CAMTA1: variants seen among roughly 807,000 people sequenced by gnomAD.
CAMTA1 encodes calmodulin-binding transcription activator 1.
A neutral mutation model predicts 170.9 loss-of-function variants in CAMTA1; 27 were observed. The observed-to-expected ratio is 0.16, with a 90% CI of 0.12 to 0.22. CAMTA1 has a LOEUF of 0.22. CAMTA1 is among the 10% of genes least tolerant of loss of function. The probability of loss-of-function intolerance (pLI) is 1.00; values close to 1 mark genes in which losing one functional copy is unlikely to be tolerated. For synonymous variants in CAMTA1, 833 were observed against 891.5 expected, an observed-to-expected ratio of 0.93 and a Z score of 1.17; for missense variants, 1,619 against 2,217.2, an observed-to-expected ratio of 0.73 and a Z score of 5.42.
chr1:7,563,079 C>T (rs1465718023), intron 6 of CAMTA1, among the ~76,000 whole-genome samples: 1 of 152,206 alleles, frequency 6.6e-6, no homozygotes, highest in African/African-American at 2.4e-5. Flanking sequence ...TGGACGCCCA[C>T]CAGCCCCTCC....
Position 7,455,820 on chromosome 1 carries a change from C to T in CAMTA1, c.439-12010C>T, listed in dbSNP as rs896334037. On this transcript the variant is annotated intron_variant, in intron 5 of 22. Transcript: ENST00000303635. This position sits in a 1 kb window ranked among gnomAD's most constrained non-coding sequence, Gnocchi z 5.0. ...TCTGGGCAGCACTTGGCCCTCCGTG[C>T]CGTCCAGAATGGCCTCGGGGAGTGG... is the stretch of plus-strand genomic sequence containing the variant. Among the ~76,000 whole-genome samples the T allele has an allele frequency of 1.1e-4, 17 of 152,236 alleles. No homozygotes were observed. Among genetic ancestry groups the T allele is most frequent in the Admixed American group, 2.6e-4 (4 of 15,292 alleles).
chr1:7,756,926 A>G (rs985918083), intron 22 of CAMTA1, among the ~76,000 whole-genome samples: 1 of 152,236 alleles, frequency 6.6e-6, no homozygotes, highest in Admixed American at 6.5e-5. Flanking sequence ...ATGAATTTAG[A>G]TTAATTTGAC....
rs147918324 is a variant in CAMTA1 at position 6,910,160 on chromosome 1, C to T, written c.234+84950C>T. 3.4e-3 allele frequency among the ~76,000 whole-genome samples: 515 copies of T among 152,350 alleles called. 4 individuals are homozygous for T. The highest frequency in any genetic ancestry group is 0.011 in the African/African-American group (451 of 41,578). On this transcript the variant is annotated intron_variant, in intron 3 of 22. Transcript: ENST00000303635. The stretch of plus-strand genomic sequence containing the variant: ...AGTTGACATGCTAAGGCACTAGTAC[C>T]CGTTATAGGGCCCAGGTGGCTGCCC...
intron 5 of CAMTA1, among the ~76,000 whole-genome samples, chr1:7,345,476 A>G (rs1451542377): frequency 6.6e-6 from 1 of 152,196 alleles, no homozygotes. Context: ...CACATCAGCC[A>G]TGGTGGGCCC....
At chr1:7,129,129 C>T (rs541965509) in intron 4 of CAMTA1, among the ~76,000 whole-genome samples, 5 of 152,198 alleles carry the variant, frequency 3.3e-5, no homozygotes, top group Admixed American at 6.5e-5. Context: ...TGAGCCACCA[C>T]GCCCAGCCTA....
chr1:6,934,000 T>C (rs1412966611), intron 3 of CAMTA1, among the ~76,000 whole-genome samples: 1 of 152,206 alleles, frequency 6.6e-6, no homozygotes, highest in Non-Finnish European at 1.5e-5. Flanking sequence ...GGCTGTCAGT[T>C]TCCAGCACAA....
At chr1:7,253,685 C>T (rs1666950657) in intron 5 of CAMTA1, among the ~76,000 whole-genome samples, 1 of 152,166 alleles carries the variant, frequency 6.6e-6, no homozygotes, top group African/African-American at 2.4e-5. Context: ...GTGTCTCTTG[C>T]CCTACGTCAT....
chr1:6,897,473 A>AAGATTAACACTATGAGAAACCATCTACTG (rs140070956), intron 3 of CAMTA1, among the ~76,000 whole-genome samples: 1 of 151,624 alleles, frequency 6.6e-6, no homozygotes, highest in African/African-American at 2.4e-5. Flanking sequence ...CATTTTTCTC[A>AAGATTAACACTATGAGAAACCATCTACTG]TATATACACC....
At chr1:6,848,471 G>A (rs1259574295) in intron 3 of CAMTA1, among the ~76,000 whole-genome samples, 1 of 152,206 alleles carries the variant, frequency 6.6e-6, no homozygotes, top group Non-Finnish European at 1.5e-5. Flanking sequence ...TTAATCAGAA[G>A]AGGAAAATGA....
intron 5 of CAMTA1, among the ~76,000 whole-genome samples, chr1:7,338,638 C>T (rs1033943379): frequency 4.6e-5 from 7 of 152,184 alleles, no homozygotes; most frequent in Admixed American, 2.0e-4. Context: ...ACTGAAACAT[C>T]AGCGATTTTC....
At chr1:6,958,879 T>C (rs1307730416) in intron 3 of CAMTA1, among the ~76,000 whole-genome samples, 1 of 152,206 alleles carries the variant, frequency 6.6e-6, no homozygotes, top group Non-Finnish European at 1.5e-5. Flanking sequence ...TAAGCAGTTA[T>C]TAGTATTCAC....
chr1:6,821,187 T>G (rs1310513378), intron 2 of CAMTA1, among the ~76,000 whole-genome samples: 1 of 152,236 alleles, frequency 6.6e-6, no homozygotes, highest in Non-Finnish European at 1.5e-5. Context: ...AGTTTCTGTT[T>G]CTTTAACCTT....
At chr1:7,510,053 C>T (rs540807312) in intron 6 of CAMTA1, among the ~76,000 whole-genome samples, 1 of 109,280 alleles carries the variant, frequency 9.2e-6, no homozygotes, top group African/African-American at 2.8e-5. Flanking sequence ...ATCCAGGCCC[C>T]CTTTGTACAA....
At chr1:6,956,145 C>A (rs756444602) in intron 3 of CAMTA1, among the ~76,000 whole-genome samples, 8 of 152,210 alleles carry the variant, frequency 5.3e-5, no homozygotes, top group Non-Finnish European at 1.2e-4. Flanking sequence ...CTGGCCCCGG[C>A]AGCTCTCCAT....
intron 5 of CAMTA1, among the ~76,000 whole-genome samples, chr1:7,281,442 C>G (rs1168151547): frequency 1.3e-5 from 2 of 152,160 alleles, no homozygotes; most frequent in Admixed American, 6.5e-5. Context: ...TGGATTTCAT[C>G]CCCTTGAATT....
In CAMTA1 at chr1:7,325,077, A is replaced by G; in HGVS notation, c.438+75451A>G. On this transcript the variant is annotated intron_variant, in intron 5 of 22. Transcript: ENST00000303635. This position sits in a 1 kb window ranked among gnomAD's most constrained non-coding sequence, Gnocchi z 5.0. ...TTATCATTATCATTTTACACAATTA[A>G]TATTTCCATTCTTCCCTTCAACAGA... Among the ~76,000 whole-genome samples, 1 of 151,840 alleles carries G rather than the reference A, an allele frequency of 6.6e-6. No homozygotes were observed. The highest frequency in any genetic ancestry group is 2.1e-4 in the South Asian group (1 of 4,824).
chr1:7,220,669 T>C (rs563641954), intron 4 of CAMTA1, among the ~76,000 whole-genome samples: 1 of 152,326 alleles, frequency 6.6e-6, no homozygotes, highest in Admixed American at 6.5e-5. Flanking sequence ...CTCAGATAGC[T>C]TCTCCAATGG....
At position 7,732,688 on chromosome 1, in the gene CAMTA1, C is replaced by G; in HGVS notation, c.3066+89C>G. On this transcript the variant is annotated intron_variant, in intron 12 of 22. Transcript: ENST00000303635. The surrounding 1 kb of genome is among the most constrained non-coding windows in gnomAD (Gnocchi z 4.1). Reference sequence around the variant, plus strand: ...GGATGGATCACAGGCCTCTTCTCTGCTGCTGATGCGGTCCCTGTATTCAGG... The same window carrying G: ...GGATGGATCACAGGCCTCTTCTCTGGTGCTGATGCGGTCCCTGTATTCAGG... 2.1e-6 allele frequency: 3 copies of G among 1,460,454 alleles called. No homozygotes were observed. Among genetic ancestry groups the G allele is most frequent in the Non-Finnish European group, 2.7e-6 (3 of 1,101,138 alleles). 90.5% of individuals were successfully genotyped at this position (1,460,454 alleles called of 1,614,324 possible).
chr1:6,977,891 C>T (rs1269704851), intron 3 of CAMTA1, among the ~76,000 whole-genome samples: 1 of 152,178 alleles, frequency 6.6e-6, no homozygotes, highest in Non-Finnish European at 1.5e-5. Context: ...AGAGTGAGAT[C>T]CTGTTATTTG....
Sources: allele counts gnomAD v4.1 joint callset (sites outside exome capture counted in the v4.1 genomes callset), GRCh38; gene constraint gnomAD v4.1.1; non-coding constraint Gnocchi (gnomAD v3.1); transcripts MANE v1.5; gene names NCBI Gene and HGNC (gene_info 2026-07-23, HGNC 2026-07-21).